The following PKN2 variants were observed in gnomAD, a reference collection of about 807,000 sequenced individuals.
The protein encoded by PKN2 is serine/threonine-protein kinase N2.
Under a neutral mutation model 119.1 loss-of-function variants are expected in PKN2, and 38 were observed. The ratio of observed to expected loss-of-function variants is 0.32; its 90% CI spans 0.25 to 0.42. The LOEUF (loss-of-function observed/expected upper bound fraction) is 0.42, where lower values mean the gene tolerates loss of function less well. PKN2 is among the 10% of genes least tolerant of loss of function. The probability of loss-of-function intolerance (pLI) is 1.00; values close to 1 mark genes in which losing one functional copy is unlikely to be tolerated. For missense variants in PKN2, 850 were observed against 1,165.1 expected, an observed-to-expected ratio of 0.73 and a Z score of 3.94; for synonymous variants, 390 against 384.9, an observed-to-expected ratio of 1.01 and a Z score of -0.15.
chr1:88,835,725 T>C lies in PKN2; in HGVS notation c.*2277T>C. On this transcript the variant is annotated 3_prime_UTR_variant, in exon 22 of 22. Transcript: ENST00000370521. ...ATGAAATGTGCCTTTCACTATGTCA[T>C]TCTAAGAAAACAAGTGTTTTTTGCA... The C allele has an allele frequency of 6.6e-6, 1 of 152,376 alleles. No individual in the cohort carries two copies. The highest frequency in any genetic ancestry group is 6.6e-5 in the Admixed American group (1 of 15,232). 9.4% of individuals were successfully genotyped at this position (152,376 alleles called of 1,614,324 possible).
At position 88,820,180 on chromosome 1, in the gene PKN2, C is replaced by CAATATA. The variant is rs1491259052; in HGVS notation, c.2280-1761_2280-1760insAATATA. Among the ~76,000 whole-genome samples, 82 of 70,718 alleles carry CAATATA rather than the reference C, an allele frequency of 1.2e-3. 3 individuals are homozygous for CAATATA. The highest frequency in any genetic ancestry group is 3.4e-3 in the African/African-American group (56 of 16,618). The allele number at this position is 70,718 out of a possible 152,430, so 46.4% of individuals were successfully genotyped here. On this transcript the variant is annotated intron_variant, in intron 16 of 21. Coordinates refer to ENST00000370521, the MANE Select transcript of PKN2 (RefSeq NM_006256.4). ...AAATCAAACAAATCTTTTCAGAAACCTATATATATATATATATATATATAT... is the reference window on the plus strand; with the variant it reads ...AAATCAAACAAATCTTTTCAGAAACCAATATATATATATATATATATATATATATAT...
chr1:88,820,425 C>A (rs1570682418), intron 16 of PKN2, among the ~76,000 whole-genome samples: 3 of 150,208 alleles, frequency 2.0e-5, no homozygotes. Context: ...CCCAGCTACT[C>A]AGGAGGCTGA....
Position 88,775,497 on chromosome 1 carries a change from T to C in PKN2, c.985+3618T>C, listed in dbSNP as rs147031334. Among the ~76,000 whole-genome samples the C allele has an allele frequency of 5.6e-3, 852 of 152,340 alleles. 6 individuals carry two copies. Among genetic ancestry groups the C allele is most frequent in the African/African-American group, 0.019 (777 of 41,576 alleles). On this transcript the variant is annotated intron_variant, in intron 6 of 21. Transcript: ENST00000370521. ...TTGTGTGGATGTACCATAATTTATT[T>C]ATTCATTCATTTACCGAAGGACTTC... is the stretch of plus-strand genomic sequence containing the variant.
intron 8 of PKN2, among the ~76,000 whole-genome samples, chr1:88,787,638 A>G (rs1461161223): frequency 6.6e-6 from 1 of 152,232 alleles, no homozygotes; most frequent in Non-Finnish European, 1.5e-5. Flanking sequence ...TACCTAAACT[A>G]CAAGCTTAGA....
intron 6 of PKN2, among the ~76,000 whole-genome samples, chr1:88,775,427 A>C (rs1384342657): frequency 6.6e-6 from 1 of 152,096 alleles, no homozygotes; most frequent in Non-Finnish European, 1.5e-5. Context: ...ATGTCTTTCC[A>C]TGCTTTGATA....
chr1:88,742,980 C>T (rs183363263), intron 2 of PKN2, among the ~76,000 whole-genome samples: 1 of 152,248 alleles, frequency 6.6e-6, no homozygotes, highest in East Asian at 1.9e-4. Flanking sequence ...CACTTGAGGC[C>T]AGGAGTTCAA....
intron 4 of PKN2, among the ~76,000 whole-genome samples, chr1:88,770,843 C>A (rs1026617491): frequency 6.6e-6 from 1 of 151,160 alleles, no homozygotes; most frequent in Admixed American, 6.6e-5. Context: ...CCTCGGCCCC[C>A]CAAAGTGCTG....
At chr1:88,728,034 T>TA (rs1553149305) in intron 1 of PKN2, among the ~76,000 whole-genome samples, 6 of 145,274 alleles carry the variant, frequency 4.1e-5, no homozygotes, top group Admixed American at 6.7e-5. Context: ...TTTTTTTTTT[T>TA]ATTCTTTGGT....
intron 1 of PKN2, among the ~76,000 whole-genome samples, chr1:88,723,410 G>C (rs1286585366): frequency 4.6e-4 from 58 of 125,172 alleles, no homozygotes; most frequent in African/African-American, 6.4e-4. Context: ...ACCGTGCCCT[G>C]CCCCCCCCCC....
At chr1:88,779,814 G>A (rs1004167299) in intron 6 of PKN2, among the ~76,000 whole-genome samples, 2 of 152,078 alleles carry the variant, frequency 1.3e-5, no homozygotes, top group African/African-American at 4.8e-5. Context: ...GTTAAACTTC[G>A]CTGTTGCCAC....
At chr1:88,795,546 A>G (rs950546374) in intron 8 of PKN2, among the ~76,000 whole-genome samples, 2 of 152,226 alleles carry the variant, frequency 1.3e-5, no homozygotes, top group African/African-American at 4.8e-5. Flanking sequence ...GTTCTGAACA[A>G]AAAACCTTAT....
chr1:88,750,113 T>G (rs1023522194), intron 2 of PKN2, among the ~76,000 whole-genome samples: 2 of 152,218 alleles, frequency 1.3e-5, no homozygotes, highest in African/African-American at 2.4e-5. Context: ...CTATCTAGGG[T>G]GTTTTGTGAA....
intron 1 of PKN2, among the ~76,000 whole-genome samples, chr1:88,695,495 T>C (rs1276116323): frequency 1.3e-5 from 2 of 152,160 alleles, no homozygotes; most frequent in Non-Finnish European, 2.9e-5. Context: ...TTAACTCTTA[T>C]TGACACCCAT....
chr1:88,766,461 CAT>C (rs1669672903), intron 3 of PKN2, among the ~76,000 whole-genome samples: 2 of 152,090 alleles, frequency 1.3e-5, no homozygotes, highest in South Asian at 4.1e-4. Flanking sequence ...AAATAAAAAA[CAT>C]AATTTGAAAG....
chr1:88,835,588 T>G lies in PKN2; in HGVS notation c.*2140T>G, dbSNP rs148737509. On this transcript the variant is annotated 3_prime_UTR_variant, in exon 22 of 22. Coordinates refer to ENST00000370521, the MANE Select transcript of PKN2 (RefSeq NM_006256.4). ...TATATATTTTAGTCAGATTTAAAAT[T>G]TTAAGCTTTATAGAGTGTAAATATA... 2.6e-5 allele frequency: 4 copies of G among 152,544 alleles called. No individual in the cohort carries two copies. The East Asian group carries it at 5.8e-4, about 22-fold the overall frequency. The allele number at this position is 152,544 out of a possible 1,614,324, so 9.4% of individuals were successfully genotyped here. A position where few individuals can be genotyped will look rare whatever the true frequency, so the allele number is the denominator to read the frequency against.
At chr1:88,749,546 G>A (rs1472379703) in intron 2 of PKN2, among the ~76,000 whole-genome samples, 2 of 152,100 alleles carry the variant, frequency 1.3e-5, no homozygotes, top group Admixed American at 1.3e-4. Flanking sequence ...TATGACAAGG[G>A]CTATCGCAAG....
chr1:88,822,112 T>C, intron 17 of PKN2, 109 bp downstream of exon 17: 1 of 1,010,042 alleles, frequency 9.9e-7, no homozygotes, highest in East Asian at 3.1e-5. Flanking sequence ...TTCTTAGTTT[T>C]CTCCTTCACC....
At chr1:88,728,915 G>A (rs1445343045) in intron 1 of PKN2, among the ~76,000 whole-genome samples, 1 of 114,626 alleles carries the variant, frequency 8.7e-6, no homozygotes, top group Non-Finnish European at 1.7e-5. Context: ...TTTTTTTTTA[G>A]ATGGAGTTTC....
chr1:88,791,592 G>A (rs1264574547), intron 8 of PKN2, among the ~76,000 whole-genome samples: 1 of 152,158 alleles, frequency 6.6e-6, no homozygotes, highest in Admixed American at 6.5e-5. Flanking sequence ...GTTATGTCCA[G>A]TCTCTTGGAT....
Sources: allele counts gnomAD v4.1 joint callset (sites outside exome capture counted in the v4.1 genomes callset), GRCh38; gene constraint gnomAD v4.1.1; transcripts MANE v1.5; gene names NCBI Gene and HGNC (gene_info 2026-07-23, HGNC 2026-07-21).